The following GABRA3 variants were observed in gnomAD, a reference collection of about 807,000 sequenced individuals.
GABRA3 encodes the protein gamma-aminobutyric acid type A receptor subunit alpha3, also known as gamma-aminobutyric acid receptor subunit alpha-3.
In GABRA3, 10 loss-of-function variants were observed where a neutral mutation model predicts 30.1. That is an observed-to-expected ratio of 0.33 (90% CI 0.20 to 0.56). The LOEUF is 0.56. GABRA3 is among the 20% of genes least tolerant of loss of function. The pLI is 0.89. For synonymous variants in GABRA3, 151 were observed against 146.8 expected, an observed-to-expected ratio of 1.03 and a Z score of -0.21; for missense variants, 233 against 392.0, an observed-to-expected ratio of 0.59 and a Z score of 3.42.
intron 9 of GABRA3, chrX:152,171,510 C>T (rs1937000967): frequency 7.8e-6 from 1 of 128,853 alleles, no homozygotes; most frequent in Admixed American, 9.6e-5. Context: ...AATATTTACC[C>T]ATTTCTACAC....
chrX:152,422,669 A>C (rs1930404642), intron 1 of GABRA3, among the ~76,000 whole-genome samples: 1 of 111,594 alleles, frequency 9.0e-6, no homozygotes, highest in South Asian at 3.7e-4. Context: ...AGTGGTTTCA[A>C]GATTTTCTAT....
rs761107546 is a variant in GABRA3 at position 152,449,499 on chromosome X, T to C, written c.-27+1647A>G. The stretch of plus-strand genomic sequence containing the variant: ...TTTAAAAGGTGCAGTTTGGAGCATG[T>C]TGGGTGGATGAGGCTATAAAAAGTG... On this transcript the variant is annotated intron_variant, in intron 1 of 9. Coordinates refer to ENST00000370314, the MANE Select transcript of GABRA3 (RefSeq NM_000808.4). Among the ~76,000 whole-genome samples the C allele has an allele frequency of 3.6e-5, 4 of 111,785 alleles. No homozygotes were observed. In the South Asian group the frequency reaches 1.5e-3, roughly 42 times the overall value.
At chrX:152,403,260 G>A (rs1929838588) in intron 1 of GABRA3, among the ~76,000 whole-genome samples, 1 of 110,261 alleles carries the variant, frequency 9.1e-6, no homozygotes, top group Admixed American at 9.7e-5. Context: ...ACTATAAGAT[G>A]GACAAATAAT....
intron 4 of GABRA3, among the ~76,000 whole-genome samples, chrX:152,274,322 T>C (rs1939002044): frequency 9.0e-6 from 1 of 110,836 alleles, no homozygotes; most frequent in Admixed American, 9.6e-5. Context: ...GATGAGCTAA[T>C]AAACACTCAT....
At chrX:152,329,767 C>A (rs954986943) in intron 3 of GABRA3, among the ~76,000 whole-genome samples, 1 of 111,661 alleles carries the variant, frequency 9.0e-6, no homozygotes, top group African/African-American at 3.3e-5. Flanking sequence ...TAGGTGAAAC[C>A]ATTCAGGACA....
chrX:152,255,689 G>A (rs1260603546), intron 5 of GABRA3, 89 bp downstream of exon 5: 3 of 790,076 alleles, frequency 3.8e-6, no homozygotes, highest in South Asian at 4.4e-5. Context: ...TACACTTGAG[G>A]GAATTTTCAA....
Position 152,204,789 on chromosome X carries a change from TAAAAC to T in GABRA3, c.778+3207_778+3211del, listed in dbSNP as rs375714228. 4.5e-3 allele frequency among the ~76,000 whole-genome samples: 503 copies of T among 112,180 alleles called. 2 individuals carry two copies. The Middle Eastern group carries it at 0.069, about 15-fold the overall frequency. On this transcript the variant is annotated intron_variant, in intron 7 of 9. Transcript: ENST00000370314. ...ACAAAGTACTACACCCTGGATGGGT[TAAAAC>T]AAAACAAATGTATTCTTTCACAGTT...
At chrX:152,293,769 G>C (rs1373966941) in intron 3 of GABRA3, among the ~76,000 whole-genome samples, 1 of 111,176 alleles carries the variant, frequency 9.0e-6, no homozygotes, top group Non-Finnish European at 1.9e-5. Context: ...GGGACCAGTT[G>C]TTCCTTTCCA....
intron 9 of GABRA3, among the ~76,000 whole-genome samples, chrX:152,175,060 A>G (rs898953964): frequency 8.9e-6 from 1 of 111,997 alleles, no homozygotes; most frequent in Non-Finnish European, 1.9e-5. Flanking sequence ...TCCTTTCCCC[A>G]TTGCTTGTTT....
In GABRA3 at chrX:152,235,623, T is replaced by G. The variant is rs779031313; in HGVS notation, c.552-10778A>C. Among the ~76,000 whole-genome samples, 3 of 111,880 alleles carry G rather than the reference T, an allele frequency of 2.7e-5. No homozygotes were observed. In the South Asian group the frequency reaches 1.1e-3, roughly 41 times the overall value. On this transcript the variant is annotated intron_variant, in intron 5 of 9. Coordinates refer to ENST00000370314, the MANE Select transcript of GABRA3 (RefSeq NM_000808.4). Reference sequence around the variant, plus strand: ...ACATCAAGAAAATAATCCAATTCACTATAGCTACAAAGATATGCTTGAGAA... The same window carrying G: ...ACATCAAGAAAATAATCCAATTCACGATAGCTACAAAGATATGCTTGAGAA...
chrX:152,238,218 G>C (rs1465127873), intron 5 of GABRA3, among the ~76,000 whole-genome samples: 1 of 101,573 alleles, frequency 9.8e-6, no homozygotes, highest in Non-Finnish European at 1.9e-5. Flanking sequence ...GTTGAATTTT[G>C]TCAAAGGCTT....
chrX:152,368,610 A>AT (rs947204937), intron 1 of GABRA3, among the ~76,000 whole-genome samples: 1 of 110,664 alleles, frequency 9.0e-6, no homozygotes, highest in Non-Finnish European at 1.9e-5. Context: ...GGAAGTGCAT[A>AT]TATCTCTTCA....
chrX:152,431,232 T>C (rs924719809), intron 1 of GABRA3, among the ~76,000 whole-genome samples: 27 of 111,800 alleles, frequency 2.4e-4, no homozygotes, highest in Admixed American at 2.2e-3. Context: ...CTAAGGATAG[T>C]GATGGAGATT....
At position 152,169,430 on chromosome X, in the gene GABRA3, C is replaced by T. The variant is rs758100686; in HGVS notation, c.1144-867G>A. On this transcript the variant is annotated intron_variant, in intron 9 of 9. Transcript: ENST00000370314. The stretch of plus-strand genomic sequence containing the variant: ...CTTATTTTTAAGAGTGAAAGAAACT[C>T]AAACACCCAGTGGGAAGCAAGCACA... Among the ~76,000 whole-genome samples the T allele has an allele frequency of 2.7e-5, 3 of 112,161 alleles. No homozygotes were observed. In the East Asian group the frequency reaches 8.5e-4, roughly 32 times the overall value.
chrX:152,294,032 C>T (rs1003488518), intron 3 of GABRA3, among the ~76,000 whole-genome samples: 2 of 111,490 alleles, frequency 1.8e-5, no homozygotes, highest in Non-Finnish European at 3.8e-5. Context: ...GTGGGTAATC[C>T]GACCTTTCTC....
chrX:152,226,365 T>G (rs1189968466), intron 5 of GABRA3, among the ~76,000 whole-genome samples: 1 of 111,697 alleles, frequency 9.0e-6, no homozygotes, highest in Non-Finnish European at 1.9e-5. Context: ...ACCTATGAGA[T>G]GCTCACAGTA....
chrX:152,234,791 C>A (rs1938164899), intron 5 of GABRA3, among the ~76,000 whole-genome samples: 1 of 111,531 alleles, frequency 9.0e-6, no homozygotes, highest in Admixed American at 9.6e-5. Flanking sequence ...AGGTATGAAG[C>A]TTTATTTCTG....
intron 3 of GABRA3, among the ~76,000 whole-genome samples, chrX:152,339,338 C>T (rs997042748): frequency 1.8e-5 from 2 of 108,981 alleles, no homozygotes; most frequent in Non-Finnish European, 3.8e-5. Flanking sequence ...AGTAATTCTC[C>T]TGCCTCAGCC....
At chrX:152,416,480 T>G (rs1303295367) in intron 1 of GABRA3, among the ~76,000 whole-genome samples, 1 of 109,955 alleles carries the variant, frequency 9.1e-6, no homozygotes, top group Non-Finnish European at 1.9e-5. Flanking sequence ...GCCATCCCTA[T>G]CAAGCTACCA....
Sources: allele counts gnomAD v4.1 joint callset (sites outside exome capture counted in the v4.1 genomes callset), GRCh38; gene constraint gnomAD v4.1.1; transcripts MANE v1.5; gene names NCBI Gene and HGNC (gene_info 2026-07-23, HGNC 2026-07-21).